The following BCL10 variants were observed in gnomAD, a reference collection of about 807,000 sequenced individuals.
BCL10 encodes BCL10 immune signaling adaptor.
A neutral mutation model predicts 19.2 loss-of-function variants in BCL10; 5 were observed. That is an observed-to-expected ratio of 0.26 (90% CI 0.14 to 0.55). The LOEUF is 0.55. Among genes scored for constraint, BCL10 ranks in the 20% least tolerant of loss-of-function variants. The probability of loss-of-function intolerance (pLI) is 0.94; values close to 1 mark genes in which losing one functional copy is unlikely to be tolerated. For missense variants in BCL10, 201 were observed against 271.9 expected (o/e 0.74, Z 1.83); for synonymous variants, 110 against 98.8 (o/e 1.11, Z -0.67).
intron 1 of BCL10, among the ~76,000 whole-genome samples, chr1:85,272,635 G>C (rs1016970389): frequency 2.6e-5 from 4 of 152,134 alleles, no homozygotes; most frequent in African/African-American, 7.2e-5. Context: ...CGTGGCAGAA[G>C]AGTAGAAAAG....
In BCL10 at chr1:85,276,555, G is replaced by GGCGACGCGAATCTAC. The variant is rs1553179633; in HGVS notation, c.-218_-204dup. 1.3e-5 allele frequency: 8 copies of GGCGACGCGAATCTAC among 611,618 alleles called. No homozygotes were observed. The highest frequency in any genetic ancestry group is 3.9e-5 in the South Asian group (2 of 51,010). The allele number at this position is 611,618 out of a possible 1,614,324, so 37.9% of individuals were successfully genotyped here. On this transcript the variant is annotated 5_prime_UTR_variant, in exon 1 of 3. Coordinates refer to ENST00000648566, the MANE Select transcript of BCL10 (RefSeq NM_003921.5). Reference sequence around the variant, plus strand: ...TTCCGGCCCCGCCTCTGAGGTCGACGGCGACGCGAATCTACGCGACGCGAC... The same window carrying GGCGACGCGAATCTAC: ...TTCCGGCCCCGCCTCTGAGGTCGACGGCGACGCGAATCTACGCGACGCGAATCTACGCGACGCGAC...
Position 85,266,898 on chromosome 1 carries a change from A to T in BCL10, c.*729T>A. ...TCTCAAAAAAAAAAAAAAAAAAAAA[A>T]GAAAAAAGGAAAAAATACCTCATCA... On this transcript the variant is annotated 3_prime_UTR_variant, in exon 3 of 3. Coordinates refer to ENST00000648566, the MANE Select transcript of BCL10 (RefSeq NM_003921.5). The T allele has an allele frequency of 5.9e-6, 1 of 168,248 alleles. No homozygotes were observed. The highest frequency in any genetic ancestry group is 1.3e-5 in the Non-Finnish European group (1 of 79,500). 10.4% of individuals were successfully genotyped at this position (168,248 alleles called of 1,614,324 possible).
chr1:85,268,683 G>A (rs974730298), intron 2 of BCL10, among the ~76,000 whole-genome samples: 3 of 150,130 alleles, frequency 2.0e-5, no homozygotes, highest in Non-Finnish European at 2.9e-5. Context: ...TAGGAGAATC[G>A]CTTGAACCTG....
intron 1 of BCL10, among the ~76,000 whole-genome samples, chr1:85,272,429 A>C (rs1170177200): frequency 6.7e-6 from 1 of 148,680 alleles, no homozygotes; most frequent in Admixed American, 6.7e-5. Flanking sequence ...TTTGTAGAGA[A>C]GGGATCTTTG....
chr1:85,272,922 T>A (rs2100750430), intron 1 of BCL10, among the ~76,000 whole-genome samples: 1 of 152,346 alleles, frequency 6.6e-6, no homozygotes, highest in South Asian at 2.1e-4. Flanking sequence ...TACCTACCTC[T>A]CCAGCTTAAT....
chr1:85,274,867 A>T (rs1322491568), intron 1 of BCL10, among the ~76,000 whole-genome samples: 1 of 152,218 alleles, frequency 6.6e-6, no homozygotes, highest in East Asian at 1.9e-4. Context: ...CCTCAAGGTT[A>T]TTTATTTCTG....
chr1:85,267,180 A>G lies in BCL10; in HGVS notation c.*447T>C. ...ATTTTTCTATATTGGCAGTTTTCCC[A>G]TCAGTGACCGGTTTTATTACTGAAC... On this transcript the variant is annotated 3_prime_UTR_variant, in exon 3 of 3. Coordinates refer to ENST00000648566, the MANE Select transcript of BCL10 (RefSeq NM_003921.5). The G allele has an allele frequency of 5.0e-6, 1 of 201,182 alleles. No individual in the cohort carries two copies. Among genetic ancestry groups the G allele is most frequent in the South Asian group, 1.9e-4 (1 of 5,322 alleles). 12.5% of individuals were successfully genotyped at this position (201,182 alleles called of 1,614,324 possible). A position where few individuals can be genotyped will look rare whatever the true frequency, so the allele number is the denominator to read the frequency against.
In BCL10 at chr1:85,266,895, A is replaced by AAG. The variant is rs1660210945; in HGVS notation, c.*731_*732insCT. ...CTGTCTCAAAAAAAAAAAAAAAAAA[A>AAG]AAAGAAAAAAGGAAAAAATACCTCA... On this transcript the variant is annotated 3_prime_UTR_variant, in exon 3 of 3. Transcript: ENST00000648566. The AAG allele has an allele frequency of 1.7e-5, 3 of 177,118 alleles. No individual in the cohort carries two copies. The East Asian group carries it at 2.8e-4, about 17-fold the overall frequency. The allele number at this position is 177,118 out of a possible 1,614,324, so 11.0% of individuals were successfully genotyped here. A position where few individuals can be genotyped will look rare whatever the true frequency, so the allele number is the denominator to read the frequency against.
At chr1:85,268,455 G>C (rs1380201179) in intron 2 of BCL10, among the ~76,000 whole-genome samples, 1 of 152,144 alleles carries the variant, frequency 6.6e-6, no homozygotes, top group Non-Finnish European at 1.5e-5. Flanking sequence ...GGTCACCTAG[G>C]ATAGTCTCTT....
In BCL10 at chr1:85,276,592, A is replaced by T; in HGVS notation, c.-240T>A. 1.7e-6 allele frequency: 1 copy of T among 590,498 alleles called. No homozygotes were observed. The allele number at this position is 590,498 out of a possible 1,614,324, so 36.6% of individuals were successfully genotyped here. A position where few individuals can be genotyped will look rare whatever the true frequency, so the allele number is the denominator to read the frequency against. ...CTACGCGACGCGACGCGGAGCTCGG[A>T]GCAGCGTTCCTTCCCTCTCGTAGAG... On this transcript the variant is annotated 5_prime_UTR_variant, in exon 1 of 3. Coordinates refer to ENST00000648566, the MANE Select transcript of BCL10 (RefSeq NM_003921.5).
At chr1:85,275,618 G>T (rs542442047) in intron 1 of BCL10, among the ~76,000 whole-genome samples, 1 of 152,266 alleles carries the variant, frequency 6.6e-6, no homozygotes, top group Non-Finnish European at 1.5e-5. Context: ...AAAGGAAAAA[G>T]AATGTCATAT....
Position 85,267,728 on chromosome 1 carries a change from G to A in BCL10, c.601C>T (p.Pro201Ser). The stretch of plus-strand genomic sequence containing the variant: ...AACTGTAGATCTGGTGGCAAAGGAG[G>A]AGCCCCTGGGTCCCCAGGTCTGGGA... ...TLPRPGDPGA[P>S]PLPPDLQLEE... The change falls in exon 3 of 3, where the codon CCT becomes TCT. Residue 201 changes from proline (P) to serine (S), a missense_variant. Coordinates refer to ENST00000648566, the MANE Select transcript of BCL10 (RefSeq NM_003921.5). The A allele has an allele frequency of 6.2e-7, 1 of 1,614,166 alleles. No homozygotes were observed. The highest frequency in any genetic ancestry group is 8.5e-7 in the Non-Finnish European group (1 of 1,180,036).
chr1:85,269,783 A>T (rs144501126), intron 2 of BCL10, among the ~76,000 whole-genome samples: 104 of 152,370 alleles, frequency 6.8e-4, no homozygotes, highest in Non-Finnish European at 1.2e-3. Context: ...ACAATATTCC[A>T]ATCAGTGAGT....
rs1005172512 is a variant in BCL10 at position 85,269,718 on chromosome 1, G to T, written c.346+900C>A. Among the ~76,000 whole-genome samples the T allele has an allele frequency of 2.0e-5, 3 of 152,352 alleles. No individual in the cohort carries two copies. The East Asian group carries it at 5.8e-4, about 29-fold the overall frequency. On this transcript the variant is annotated intron_variant, in intron 2 of 2. Coordinates refer to ENST00000648566, the MANE Select transcript of BCL10 (RefSeq NM_003921.5). Reference sequence around the variant, plus strand: ...CATTTATGTGCTCTGGAGAGAGACAGTGAGGAACAGAGGCAGGAGGGGGTT... The same window carrying T: ...CATTTATGTGCTCTGGAGAGAGACATTGAGGAACAGAGGCAGGAGGGGGTT...
Position 85,267,662 on chromosome 1 carries a change from G to A in BCL10, c.667C>T (p.Leu223Phe). 6.2e-7 allele frequency: 1 copy of A among 1,609,824 alleles called. No individual in the cohort carries two copies. The highest frequency in any genetic ancestry group is 8.5e-7 in the Non-Finnish European group (1 of 1,178,786). The change falls in exon 3 of 3, where the codon CTT becomes TTT. Residue 223 changes from leucine (L) to phenylalanine (F), a missense_variant. This residue lies in a region of BCL10 where 126 missense variants were observed against 136.6 expected (regional missense o/e 0.92). Transcript: ENST00000648566. ...GTCANSSEMF[L>F]PLRSRTVSRQ Reference sequence around the variant, plus strand: ...GAAACAGTACGTGATCTTAAGGGAAGAAACATCTCACTAGAGTTTGCACAA... The same window carrying A: ...GAAACAGTACGTGATCTTAAGGGAAAAAACATCTCACTAGAGTTTGCACAA...
chr1:85,267,656 AG>A lies in BCL10; in HGVS notation c.672del (p.Leu225Ter). On this transcript the variant is annotated frameshift_variant, in exon 3 of 3. Coordinates refer to ENST00000648566, the MANE Select transcript of BCL10 (RefSeq NM_003921.5). LOFTEE classifies it high-confidence loss of function. The part of the protein sequence containing the change: ...TCANSSEMFL[P>X]LRSRTVSRQ ...TGTCGTGAAACAGTACGTGATCTTA[AG>A]GGAAGAAACATCTCACTAGAGTTTG... The A allele has an allele frequency of 6.2e-7, 1 of 1,607,526 alleles. No homozygotes were observed. The highest frequency in any genetic ancestry group is 8.5e-7 in the Non-Finnish European group (1 of 1,178,006).
At position 85,267,811 on chromosome 1, in the gene BCL10, T is replaced by C. The variant is rs1173035927; in HGVS notation, c.518A>G (p.Asn173Ser). 2 of 1,614,192 alleles carry C rather than the reference T, an allele frequency of 1.2e-6. No homozygotes were observed. Among genetic ancestry groups the C allele is most frequent in the Non-Finnish European group, 8.5e-7 (1 of 1,180,044 alleles). ...TPFFSTNSSL[N>S]LPVLEVGRTE... is the part of the protein sequence containing the mutation. Reference sequence around the variant, plus strand: ...TCTGCCTACTTCTAGAACAGGCAAATTCAGAGAAGAATTAGTAGAAAAAAA... The same window carrying C: ...TCTGCCTACTTCTAGAACAGGCAAACTCAGAGAAGAATTAGTAGAAAAAAA... Residue 173 changes from asparagine to serine, a missense_variant, in exon 3 of 3, where the codon AAT becomes AGT. By Grantham distance (46) the Asn-to-Ser change is conservative. Around this residue, in one of 3 missense-constraint regions of BCL10, gnomAD observed 126 missense variants for 136.6 expected, o/e 0.92. Coordinates refer to ENST00000648566, the MANE Select transcript of BCL10 (RefSeq NM_003921.5).
rs1394087159 is a variant in BCL10, at chr1:85,266,009, G to C, written c.*1618C>G. 3.3e-5 allele frequency among the ~76,000 whole-genome samples: 5 copies of C among 151,962 alleles called. No homozygotes were observed. The highest frequency in any genetic ancestry group is 7.4e-5 in the Non-Finnish European group (5 of 68,008). ...AACACCACTATTTTTGCTATGCATT[G>C]GAGGTGAAACATTTCTCTATAATCC... On this transcript the variant is annotated 3_prime_UTR_variant, in exon 3 of 3. Coordinates refer to ENST00000648566, the MANE Select transcript of BCL10 (RefSeq NM_003921.5).
chr1:85,271,049 A>G (rs1214686994), intron 1 of BCL10, 143 bp from the exon 2 acceptor site: 7 of 782,200 alleles, frequency 8.9e-6, no homozygotes, highest in African/African-American at 1.8e-5. Context: ...ATGCTAATTA[A>G]GATGAAAGTC....
Sources: gnomAD v4.1 joint callset for allele counts (sites outside exome capture counted in the v4.1 genomes callset) on GRCh38, gnomAD v4.1.1 for gene constraint, gnomAD v4.1.1 regional missense constraint, MANE v1.5 for transcripts, NCBI Gene and HGNC (gene_info 2026-07-23, HGNC 2026-07-21) for gene names.